Variants in NR1H2 observed in about 807,000 individuals in gnomAD.
NR1H2 encodes the protein nuclear receptor subfamily 1 group H member 2.
In NR1H2, 33 loss-of-function variants were observed where a neutral mutation model predicts 51.2. The observed-to-expected ratio is 0.64, with a 90% CI of 0.49 to 0.86. The LOEUF (loss-of-function observed/expected upper bound fraction) is 0.86, where lower values mean the gene tolerates loss of function less well. NR1H2 is among the 40% of genes least tolerant of loss of function. NR1H2 has a pLI of 0.00. For synonymous variants in NR1H2, 310 were observed against 264.3 expected (o/e 1.17, Z -1.68); for missense variants, 592 against 639.9 (o/e 0.93, Z 0.81).
At position 50,382,650 on chromosome 19, in the gene NR1H2, G is replaced by C; in HGVS notation, c.*48G>C. ...AGCCTTGCCTGACCACCCTCCAGCAGATAGACGCCGGCACCCCTTCCTCTT... is the reference window on the plus strand; with the variant it reads ...AGCCTTGCCTGACCACCCTCCAGCACATAGACGCCGGCACCCCTTCCTCTT... On this transcript the variant is annotated 3_prime_UTR_variant, in exon 10 of 10. Transcript: ENST00000253727. The C allele has an allele frequency of 6.7e-7, 1 of 1,500,868 alleles. No individual in the cohort carries two copies. Among genetic ancestry groups the C allele is most frequent in the Non-Finnish European group, 8.8e-7 (1 of 1,130,242 alleles). 93.0% of individuals were successfully genotyped at this position (1,500,868 alleles called of 1,614,324 possible). A position where few individuals can be genotyped will look rare whatever the true frequency, so the allele number is the denominator to read the frequency against.
At chr19:50,377,414 G>A (rs1053860999) in intron 2 of NR1H2, 173 bp from the exon 3 acceptor site, 3 of 553,934 alleles carry the variant, frequency 5.4e-6, no homozygotes, top group African/African-American at 2.0e-5. Flanking sequence ...GAAGGGGGCA[G>A]GTCTTGTTAG....
chr19:50,377,579 T>C lies in NR1H2; in HGVS notation c.-19-8T>C, dbSNP rs754732170. 3 of 1,610,746 alleles carry C rather than the reference T, an allele frequency of 1.9e-6. No individual in the cohort carries two copies. The Admixed American group carries it at 5.0e-5, about 27-fold the overall frequency. ...CCCACAAGGCTCTCAATCCCCTGTA[T>C]TCTACAGGCTGCTCCGTGACCCCAC... On this transcript the variant is annotated splice_polypyrimidine_tract_variant and splice_region_variant and intron_variant, in intron 2 of 9. Transcript: ENST00000253727.
In NR1H2 at chr19:50,378,421, G is replaced by A; in HGVS notation, c.454G>A (p.Ala152Thr). Residue 152 changes from alanine to threonine, a missense_variant, in exon 5 of 10, where the codon GCA becomes ACA. Around this residue, in one of 3 missense-constraint regions of NR1H2, gnomAD observed 316 missense variants for 313.4 expected, o/e 1.01. Coordinates refer to ENST00000253727, the MANE Select transcript of NR1H2 (RefSeq NM_007121.7). ...QQCRLRKCKE[A>T]GMREQCVLSE... is the part of the protein sequence containing the mutation. ...GTGCCGGCTGCGCAAGTGCAAGGAG[G>A]CAGGGATGAGGGAGCAGTGTGAGTG... 6.2e-7 allele frequency: 1 copy of A among 1,601,282 alleles called. No individual in the cohort carries two copies. Among genetic ancestry groups the A allele is most frequent in the Non-Finnish European group, 8.5e-7 (1 of 1,170,718 alleles).
Position 50,377,888 on chromosome 19 carries a change from A to G in NR1H2, c.181+18A>G, listed in dbSNP as rs2037694809. ...AGACTGGGGTGAGACAGGGCCCTGG[A>G]GTTGATGTGGGGGCTTGGGGAGGGG... On this transcript the variant is annotated intron_variant, in intron 4 of 9. Transcript: ENST00000253727. 2 of 1,530,588 alleles carry G rather than the reference A, an allele frequency of 1.3e-6. No homozygotes were observed. The highest frequency in any genetic ancestry group is 1.2e-5 in the South Asian group (1 of 80,632). 94.8% of individuals were successfully genotyped at this position (1,530,588 alleles called of 1,614,324 possible).
At position 50,382,109 on chromosome 19, in the gene NR1H2, G is replaced by A. The variant is rs757530580; in HGVS notation, c.1171G>A (p.Val391Met). ...GCCCAACGTGCAGGAGCCGGGCCGC[G>A]TGGAGGCGTTGCAGCAGCCCTACGT... is the stretch of plus-strand genomic sequence containing the variant. ...DRPNVQEPGR[V>M]EALQQPYVEA... The change falls in exon 9 of 10, where the codon GTG (valine) becomes ATG (methionine). Residue 391 changes from valine to methionine, a missense_variant. Physicochemically the swap from Val to Met is conservative, Grantham distance 21. This residue lies in a region of NR1H2 where 174 missense variants were observed against 174.0 expected (regional missense o/e 1.00). Coordinates refer to ENST00000253727, the MANE Select transcript of NR1H2 (RefSeq NM_007121.7). 1 of 1,546,462 alleles carries A rather than the reference G, an allele frequency of 6.5e-7. No individual in the cohort carries two copies. The highest frequency in any genetic ancestry group is 8.7e-7 in the Non-Finnish European group (1 of 1,146,980).
rs1485553905 is a variant in NR1H2 at position 50,382,425 on chromosome 19, T to G, written c.1237-31T>G. 2.6e-6 allele frequency: 4 copies of G among 1,559,472 alleles called. No homozygotes were observed. In the African/African-American group the frequency reaches 5.4e-5, roughly 21 times the overall value. ...TCCCAAAGCCTGGCAGGGCAGGGGCTCAGCCAGCGCCCACCTGCCTCCTCC... is the reference window on the plus strand; with the variant it reads ...TCCCAAAGCCTGGCAGGGCAGGGGCGCAGCCAGCGCCCACCTGCCTCCTCC... On this transcript the variant is annotated intron_variant, in intron 9 of 9. Transcript: ENST00000253727.
In NR1H2 at chr19:50,378,165, A is replaced by C. The variant is rs371148148; in HGVS notation, c.198A>C (p.Glu66Asp). The C allele has an allele frequency of 6.8e-6, 11 of 1,609,658 alleles. No homozygotes were observed. Among genetic ancestry groups the C allele is most frequent in the African/African-American group, 1.3e-5 (1 of 74,710 alleles). ...CCACCCCAGTCATCCCAGATCCCGA[A>C]GAGGAACCAGAGCGCAAGCGAAAGA... is the stretch of plus-strand genomic sequence containing the variant. ...CSTDWVIPDPEEEPERKRKKG... is the reference protein window; with the variant it reads ...CSTDWVIPDPDEEPERKRKKG... Residue 66 changes from glutamate (E) to aspartate (D), a missense_variant, in exon 5 of 10, where the codon GAA becomes GAC. Transcript: ENST00000253727.
Position 50,379,859 on chromosome 19 carries a change from A to G in NR1H2, c.1007A>G (p.Lys336Arg), listed in dbSNP as rs746212039. ...TTCTTGAAGGACTTCACCTACAGCA[A>G]GGACGACTTCCACCGTGCAGGTAGG... is the stretch of plus-strand genomic sequence containing the variant. Reference protein sequence around the residue: ...ITFLKDFTYSKDDFHRAGLQV... With the variant: ...ITFLKDFTYSRDDFHRAGLQV... Residue 336 changes from lysine to arginine, a missense_variant, in exon 8 of 10, where the codon AAG becomes AGG. Coordinates refer to ENST00000253727, the MANE Select transcript of NR1H2 (RefSeq NM_007121.7). 3.7e-6 allele frequency: 6 copies of G among 1,613,670 alleles called. No individual in the cohort carries two copies. Among genetic ancestry groups the G allele is most frequent in the Non-Finnish European group, 5.1e-6 (6 of 1,179,698 alleles).
At chr19:50,380,621 C>G (rs1013328599) in intron 8 of NR1H2, among the ~76,000 whole-genome samples, 2 of 152,122 alleles carry the variant, frequency 1.3e-5, no homozygotes, top group African/African-American at 4.8e-5. Context: ...CGAGACGGTC[C>G]CAGTAACCCT....
chr19:50,379,741 T>G (rs1601142042), intron 7 of NR1H2, 39 bp from the exon 8 acceptor site: 3 of 1,343,164 alleles, frequency 2.2e-6, no homozygotes, highest in Non-Finnish European at 3.2e-6. Flanking sequence ...AGCTGAAGGG[T>G]CACAGGGCTC....
In NR1H2 at chr19:50,377,667, C is replaced by T; in HGVS notation, c.43+19C>T. The T allele has an allele frequency of 2.5e-6, 4 of 1,611,228 alleles. No individual in the cohort carries two copies. The highest frequency in any genetic ancestry group is 3.4e-6 in the Non-Finnish European group (4 of 1,178,530). On this transcript the variant is annotated intron_variant, in intron 3 of 9. Transcript: ENST00000253727. ...CTGCCTGGTGAGTGACTCTCTTCCC[C>T]ACCCAGCCCTTATCACACACGAGCA...
intron 5 of NR1H2, 24 bp from the exon 6 acceptor site, chr19:50,378,498 G>C (rs748248271): frequency 2.6e-5 from 41 of 1,591,232 alleles, no homozygotes; most frequent in East Asian, 2.2e-5. Flanking sequence ...CTGGGGTTCT[G>C]CTGAGGCCTG....
In NR1H2 at chr19:50,378,796, G is replaced by A; in HGVS notation, c.747G>A (p.Thr249=). 2 of 1,612,200 alleles carry A rather than the reference G, an allele frequency of 1.2e-6. No individual in the cohort carries two copies. The highest frequency in any genetic ancestry group is 1.7e-6 in the Non-Finnish European group (2 of 1,179,142). Residue 249 remains threonine, a splice_region_variant and synonymous_variant, in exon 6 of 10, where the codon ACG becomes ACA. Transcript: ENST00000253727. The part of the protein sequence containing the change: ...KRSFSDQPKV[T]PWPLGADPQS... ...CCTTCTCCGACCAGCCCAAAGTCAC[G>A]GTACTGCCCCCTCCACAACCTTGAG...
At chr19:50,377,688 G>T (rs770249884) in intron 3 of NR1H2, 40 bp downstream of exon 3, 1 of 1,605,102 alleles carries the variant, frequency 6.2e-7, no homozygotes, top group African/African-American at 1.3e-5. Context: ...TATCACACAC[G>T]AGCAGAAGCT....
At position 50,378,609 on chromosome 19, in the gene NR1H2, C is replaced by T. The variant is rs376476625; in HGVS notation, c.560C>T (p.Pro187Leu). The T allele has an allele frequency of 8.9e-5, 143 of 1,613,894 alleles. No homozygotes were observed. The highest frequency in any genetic ancestry group is 1.1e-4 in the Non-Finnish European group (129 of 1,179,974). The change falls in exon 6 of 10, where the codon CCG becomes CTG. Residue 187 changes from proline to leucine, a missense_variant. This residue lies in a region of NR1H2 where 316 missense variants were observed against 313.4 expected (regional missense o/e 1.01). Coordinates refer to ENST00000253727, the MANE Select transcript of NR1H2 (RefSeq NM_007121.7). ...SQSQSQSPVG[P>L]QGSSSSASGP... ...TCACAGTCGCAGTCACCTGTGGGGC[C>T]GCAGGGCAGCAGCAGCTCAGCCTCT...
At chr19:50,377,339 C>T (rs973134660) in intron 2 of NR1H2, 37 of 439,836 alleles carry the variant, frequency 8.4e-5, no homozygotes, top group Middle Eastern at 5.9e-4. Flanking sequence ...GTGGATTGGA[C>T]CTGAGGGGGC....
chr19:50,378,568 G>A lies in NR1H2; in HGVS notation c.519G>A (p.Gln173=), dbSNP rs1052533. ...TCCGGAAGAAGAAGATTCGGAAACA[G>A]CAGCAGGAGTCACAGTCACAGTCGC... ...EQIRKKKIRK[Q]QQESQSQSQS... is the part of the protein sequence containing the mutation. The change falls in exon 6 of 10, where the codon CAG becomes CAA. Residue 173 remains glutamine, a synonymous_variant. Coordinates refer to ENST00000253727, the MANE Select transcript of NR1H2 (RefSeq NM_007121.7). The A allele has an allele frequency of 5.4e-6, 6 of 1,113,078 alleles. No individual in the cohort carries two copies. The East Asian group carries it at 8.6e-5, about 16-fold the overall frequency. 69.0% of individuals were successfully genotyped at this position (1,113,078 alleles called of 1,614,324 possible).
At position 50,382,917 on chromosome 19, in the gene NR1H2, C is replaced by G. The variant is rs41497750; in HGVS notation, c.*315C>G. On this transcript the variant is annotated 3_prime_UTR_variant, in exon 10 of 10. Transcript: ENST00000253727. The stretch of plus-strand genomic sequence containing the variant: ...GAGGGGAGGACCCATGGCTCTCCCC[C>G]CTAGCCCGGGAGACCAGGGCCTTCC... 2.5e-4 allele frequency: 50 copies of G among 198,522 alleles called. No individual in the cohort carries two copies. Among genetic ancestry groups the G allele is most frequent in the South Asian group, 1.2e-3 (4 of 3,476 alleles). The allele number at this position is 198,522 out of a possible 1,614,324, so 12.3% of individuals were successfully genotyped here.
intron 7 of NR1H2, among the ~76,000 whole-genome samples, 193 bp from the exon 8 acceptor site, chr19:50,379,587 C>T (rs546872490): frequency 1.3e-5 from 2 of 152,238 alleles, no homozygotes; most frequent in East Asian, 3.9e-4. Context: ...GCAGCATGTG[C>T]GGAAGCCTGA....
Sources: allele counts gnomAD v4.1 joint callset (sites outside exome capture counted in the v4.1 genomes callset), GRCh38; gene constraint gnomAD v4.1.1; regional missense constraint gnomAD v4.1.1; transcripts MANE v1.5; gene names NCBI Gene and HGNC (gene_info 2026-07-23, HGNC 2026-07-21).